BCR: variants seen among roughly 807,000 people sequenced by gnomAD.
The protein encoded by BCR is breakpoint cluster region protein.
Under a neutral mutation model 138.6 loss-of-function variants are expected in BCR, and 58 were observed. That is an observed-to-expected ratio of 0.42 (90% CI 0.34 to 0.52). The LOEUF is 0.52. Ranked by LOEUF, BCR falls within the 20% of genes least tolerant of loss-of-function variation. The pLI, the probability that BCR is intolerant of heterozygous loss-of-function variation, is 0.06. For missense variants in BCR, 1,599 were observed against 1,727.2 expected (o/e 0.93, Z 1.32); for synonymous variants, 786 against 730.1 (o/e 1.08, Z -1.23).
intron 1 of BCR, among the ~76,000 whole-genome samples, chr22:23,198,551 C>T (rs1410368466): frequency 2.0e-5 from 3 of 151,998 alleles, no homozygotes; most frequent in Non-Finnish European, 4.4e-5. Context: ...GGGAGGCCAC[C>T]GCAGGTAAGG....
In BCR at chr22:23,261,000, G is replaced by T. The variant is rs768857111; in HGVS notation, c.1512G>T (p.Ser504=). The change falls in exon 3 of 23, where the codon TCG becomes TCT. Residue 504 remains serine, a synonymous_variant. Coordinates refer to ENST00000305877, the MANE Select transcript of BCR (RefSeq NM_004327.4). ...KGLEMRKWVL[S]GILASEETYL... ...TGGAGATGAGAAAATGGGTCCTGTC[G>T]GGAATCCTGGCTAGCGAGGAGACTT... is the stretch of plus-strand genomic sequence containing the variant. 6.2e-7 allele frequency: 1 copy of T among 1,613,974 alleles called. No individual in the cohort carries two copies. Among genetic ancestry groups the T allele is most frequent in the Non-Finnish European group, 8.5e-7 (1 of 1,180,012 alleles).
chr22:23,314,000 A>ATGCTCAACCTGC lies in BCR; in HGVS notation c.3495_3506dup (p.Asn1166_Leu1169dup). On this transcript the variant is annotated inframe_insertion, in exon 21 of 23. Transcript: ENST00000305877. ...AGACCCGGTTGCAAAGGAGAGCTGCATGCTCAACCTGCTGCTGTCCCTGCC... is the reference window on the plus strand; with the variant it reads ...AGACCCGGTTGCAAAGGAGAGCTGCATGCTCAACCTGCTGCTCAACCTGCTGCTGTCCCTGCC... 1 of 1,614,036 alleles carries ATGCTCAACCTGC rather than the reference A, an allele frequency of 6.2e-7. No individual in the cohort carries two copies. Among genetic ancestry groups the ATGCTCAACCTGC allele is most frequent in the Non-Finnish European group, 8.5e-7 (1 of 1,180,014 alleles).
At chr22:23,260,892 T>C in intron 2 of BCR, 58 bp from the exon 3 acceptor site, 1 of 1,508,106 alleles carries the variant, frequency 6.6e-7, no homozygotes, top group Non-Finnish European at 9.2e-7. Context: ...CAGAGGGCCC[T>C]GATGGAAGAA....
chr22:23,184,263 T>C (rs1262925096), intron 1 of BCR, among the ~76,000 whole-genome samples: 1 of 152,072 alleles, frequency 6.6e-6, no homozygotes, highest in Non-Finnish European at 1.5e-5. Flanking sequence ...TTTTTAATTT[T>C]TTTTTTTTGT....
chr22:23,198,594 T>G (rs2072510144), intron 1 of BCR, among the ~76,000 whole-genome samples: 1 of 152,142 alleles, frequency 6.6e-6, no homozygotes, highest in Non-Finnish European at 1.5e-5. Context: ...GGCTGTTCCC[T>G]GTGGCTGGTG....
At chr22:23,313,132 A>G (rs1047300983) in intron 20 of BCR, 111 bp downstream of exon 20, 16 of 1,364,738 alleles carry the variant, frequency 1.2e-5, no homozygotes, top group East Asian at 5.1e-5. Flanking sequence ...CCCCTCTGCC[A>G]TGGTCGGCAT....
chr22:23,277,419 A>G (rs2073590739), intron 8 of BCR, among the ~76,000 whole-genome samples: 1 of 152,150 alleles, frequency 6.6e-6, no homozygotes, highest in Non-Finnish European at 1.5e-5. Context: ...GTGAGCCGAT[A>G]GGACGTTTCC....
chr22:23,202,441 A>G (rs957575836), intron 1 of BCR, among the ~76,000 whole-genome samples: 7 of 152,134 alleles, frequency 4.6e-5, no homozygotes, highest in Non-Finnish European at 1.0e-4. Flanking sequence ...ACCCATCACT[A>G]TCATCCATCT....
At chr22:23,307,979 G>C (rs2073967734) in intron 16 of BCR, among the ~76,000 whole-genome samples, 1 of 134,484 alleles carries the variant, frequency 7.4e-6, no homozygotes, top group Non-Finnish European at 1.6e-5. Context: ...AATGATGCCT[G>C]TCCTCAGCCC....
At chr22:23,254,595 C>CG (rs777423838) in intron 2 of BCR, 8 of 518,814 alleles carry the variant, frequency 1.5e-5, no homozygotes, top group Non-Finnish European at 2.7e-5. Flanking sequence ...GAACGTAGCC[C>CG]GGGCTGGTTG....
chr22:23,247,845 C>G (rs1328386313), intron 1 of BCR, among the ~76,000 whole-genome samples: 1 of 152,216 alleles, frequency 6.6e-6, no homozygotes, highest in African/African-American at 2.4e-5. Context: ...GCTTATTCCA[C>G]TAAGCAGAAC....
intron 1 of BCR, among the ~76,000 whole-genome samples, chr22:23,247,622 C>T (rs1203887963): frequency 1.3e-5 from 2 of 152,158 alleles, no homozygotes; most frequent in African/African-American, 2.4e-5. Context: ...AGCCACACCA[C>T]GGATGGAGGA....
intron 15 of BCR, among the ~76,000 whole-genome samples, chr22:23,293,405 AC>A: frequency 6.6e-6 from 1 of 152,046 alleles, no homozygotes; most frequent in East Asian, 1.9e-4. Flanking sequence ...TGGGGCTGGA[AC>A]CCAGGTCTCC....
intron 1 of BCR, among the ~76,000 whole-genome samples, chr22:23,190,272 A>G (rs748859408): frequency 5.3e-5 from 8 of 152,050 alleles, no homozygotes; most frequent in Admixed American, 1.3e-4. Flanking sequence ...GGTTCAGGCA[A>G]TTCTCCCGCC....
rs1324046766 is a variant in BCR at position 23,180,944 on chromosome 22, G to A, written c.-17G>A. Reference sequence around the variant, plus strand: ...CCCCGCGCGCAGCCCGGCGGCGCAGGTAAGGCCGGCCGCGCCATGGTGGAC... The same window carrying A: ...CCCCGCGCGCAGCCCGGCGGCGCAGATAAGGCCGGCCGCGCCATGGTGGAC... On this transcript the variant is annotated 5_prime_UTR_variant, in exon 1 of 23. Transcript: ENST00000305877. 1.5e-5 allele frequency: 19 copies of A among 1,253,398 alleles called. No individual in the cohort carries two copies. The highest frequency in any genetic ancestry group is 1.8e-5 in the Non-Finnish European group (18 of 980,978). 77.6% of individuals were successfully genotyped at this position (1,253,398 alleles called of 1,614,324 possible).
chr22:23,184,755 C>T (rs2072318179), intron 1 of BCR, among the ~76,000 whole-genome samples: 1 of 152,198 alleles, frequency 6.6e-6, no homozygotes, highest in African/African-American at 2.4e-5. Context: ...GGCACCTTGA[C>T]ACTCTGCCTA....
At chr22:23,259,876 T>C (rs879359353) in intron 2 of BCR, among the ~76,000 whole-genome samples, 7 of 152,074 alleles carry the variant, frequency 4.6e-5, no homozygotes, top group Non-Finnish European at 1.0e-4. Flanking sequence ...AGGTCCCAGC[T>C]ACTTGGGAGG....
Position 23,187,182 on chromosome 22 carries a change from C to T in BCR, c.1279+4943C>T, listed in dbSNP as rs539906965. Among the ~76,000 whole-genome samples the T allele has an allele frequency of 5.5e-4, 83 of 152,146 alleles. 1 individual carries two copies. Among genetic ancestry groups the T allele is most frequent in the African/African-American group, 1.9e-3 (78 of 41,512 alleles). On this transcript the variant is annotated intron_variant, in intron 1 of 22. Coordinates refer to ENST00000305877, the MANE Select transcript of BCR (RefSeq NM_004327.4). ...GTCAGGACTGGGGACTTTTACTGAT[C>T]ATTGGAAAGTGACTTATCAATTACT...
Position 23,181,022 on chromosome 22 carries a change from C to G in BCR, c.62C>G (p.Pro21Arg), listed in dbSNP as rs551631242. The change falls in exon 1 of 23, where the codon CCG (proline) becomes CGG (arginine). Residue 21 changes from proline (P) to arginine (R), a missense_variant. By Grantham distance (103) the Pro-to-Arg change is moderately radical. Transcript: ENST00000305877. Reference sequence around the variant, plus strand: ...GCGCAGTTCCCGGACTCAGAGCCCCCGCGCATGGAGCTGCGCTCAGTGGGC... The same window carrying G: ...GCGCAGTTCCCGGACTCAGAGCCCCGGCGCATGGAGCTGCGCTCAGTGGGC... Reference protein sequence around the residue: ...WKAQFPDSEPPRMELRSVGDI... With the variant: ...WKAQFPDSEPRRMELRSVGDI... 2 of 1,495,650 alleles carry G rather than the reference C, an allele frequency of 1.3e-6. No individual in the cohort carries two copies. The highest frequency in any genetic ancestry group is 2.9e-5 in the African/African-American group (2 of 69,772). The allele number at this position is 1,495,650 out of a possible 1,614,324, so 92.6% of individuals were successfully genotyped here.
Sources: allele counts gnomAD v4.1 joint callset (sites outside exome capture counted in the v4.1 genomes callset), GRCh38; gene constraint gnomAD v4.1.1; transcripts MANE v1.5; gene names NCBI Gene and HGNC (gene_info 2026-07-23, HGNC 2026-07-21).